Variants in CPVL observed in about 807,000 individuals in gnomAD.
CPVL encodes carboxypeptidase vitellogenic like.
In CPVL, 51 loss-of-function variants were observed where a neutral mutation model predicts 63.7. The observed-to-expected ratio is 0.80, with a 90% CI of 0.64 to 1.01. The LOEUF (loss-of-function observed/expected upper bound fraction) is 1.01, where lower values mean the gene tolerates loss of function less well. CPVL is among the 50% of genes least tolerant of loss of function. The probability of loss-of-function intolerance (pLI) is 0.00; values close to 1 mark genes in which losing one functional copy is unlikely to be tolerated. For synonymous variants in CPVL, 195 were observed against 206.0 expected (o/e 0.95, Z 0.46); for missense variants, 530 against 573.1 (o/e 0.92, Z 0.77).
rs141337518 is a variant in CPVL, at chr7:29,082,726, A to C, written c.609+3758T>G. On this transcript the variant is annotated intron_variant, in intron 7 of 12. Transcript: ENST00000265394. ...TGGCAGCAAGGAAGGTAAAAAGAAA[A>C]CTGTCCTTTTCTACACACATTAGGA... Among the ~76,000 whole-genome samples, 6 of 152,266 alleles carry C rather than the reference A, an allele frequency of 3.9e-5. No individual in the cohort carries two copies. In the East Asian group the frequency reaches 1.2e-3, roughly 29 times the overall value.
chr7:29,131,268 C>A (rs1044757036), intron 1 of CPVL, among the ~76,000 whole-genome samples: 1 of 152,056 alleles, frequency 6.6e-6, no homozygotes, highest in Non-Finnish European at 1.5e-5. Context: ...TAGGATACAC[C>A]GGGTGGCAAA....
At position 29,061,254 on chromosome 7, in the gene CPVL, G is replaced by A. The variant is rs550301773; in HGVS notation, c.1137+2807C>T. Among the ~76,000 whole-genome samples the A allele has an allele frequency of 4.9e-4, 74 of 151,606 alleles. 1 individual carries two copies. Among genetic ancestry groups the A allele is most frequent in the African/African-American group, 1.5e-3 (64 of 41,362 alleles). Reference sequence around the variant, plus strand: ...GAAACCCTGTCTCTACTAAAAATACGGAAAAAAAATTAGCCAGGCATGGTG... The same window carrying A: ...GAAACCCTGTCTCTACTAAAAATACAGAAAAAAAATTAGCCAGGCATGGTG... On this transcript the variant is annotated intron_variant, in intron 11 of 12. Transcript: ENST00000265394.
At chr7:28,996,334 G>A (rs1313770486) in intron 12 of CPVL, 2 of 152,846 alleles carry the variant, frequency 1.3e-5, no homozygotes, top group African/African-American at 4.8e-5. Flanking sequence ...CCCTCACACT[G>A]AGCCATACCT....
At chr7:29,159,028 C>G (rs767439473) in intron 5 of CPVL, among the ~76,000 whole-genome samples, 3 of 152,204 alleles carry the variant, frequency 2.0e-5, no homozygotes, top group Non-Finnish European at 4.4e-5. Context: ...AGGGAATCTG[C>G]TATCAGAGAA....
chr7:29,086,693 A>G (rs1207184213), intron 6 of CPVL, 143 bp from the exon 7 acceptor site: 7 of 648,540 alleles, frequency 1.1e-5, no homozygotes, highest in Non-Finnish European at 1.7e-5. Context: ...CTCCTGTAGG[A>G]CATTTTATTT....
At chr7:29,022,990 T>C (rs1293619074) in intron 12 of CPVL, among the ~76,000 whole-genome samples, 1 of 152,226 alleles carries the variant, frequency 6.6e-6, no homozygotes, top group Non-Finnish European at 1.5e-5. Flanking sequence ...CCACGAGCAG[T>C]CACCTGTATA....
At chr7:29,048,451 A>C (rs1023583136) in intron 11 of CPVL, among the ~76,000 whole-genome samples, 2 of 152,194 alleles carry the variant, frequency 1.3e-5, no homozygotes, top group East Asian at 3.9e-4. Flanking sequence ...AACTGCAGTT[A>C]AAAGAGACAA....
At chr7:29,021,935 G>A (rs1347186830) in intron 12 of CPVL, among the ~76,000 whole-genome samples, 1 of 152,154 alleles carries the variant, frequency 6.6e-6, no homozygotes, top group Non-Finnish European at 1.5e-5. Context: ...CAGTGCAGAT[G>A]CGTCCCCAAA....
intron 11 of CPVL, among the ~76,000 whole-genome samples, chr7:29,042,681 T>A (rs161048): frequency 1.3e-5 from 2 of 151,834 alleles, no homozygotes; most frequent in East Asian, 3.9e-4. Context: ...TTAAGGATTA[T>A]GAAGAAAGGG....
At chr7:29,102,095 G>C (rs957499543) in intron 3 of CPVL, among the ~76,000 whole-genome samples, 5 of 152,206 alleles carry the variant, frequency 3.3e-5, no homozygotes, top group African/African-American at 1.2e-4. Context: ...ATAGTTACGA[G>C]CATGGATTCT....
chr7:29,062,692 C>G (rs317711), intron 11 of CPVL, among the ~76,000 whole-genome samples: 118,632 of 152,136 alleles, frequency 0.78, 46,449 homozygotes, highest in South Asian at 0.89. Context: ...AATCCTAAGA[C>G]ACACCATTCC....
At chr7:29,117,327 T>A (rs1788868805) in intron 2 of CPVL, among the ~76,000 whole-genome samples, 1 of 152,212 alleles carries the variant, frequency 6.6e-6, no homozygotes, top group Admixed American at 6.5e-5. Flanking sequence ...AGGAGAGATG[T>A]CAGTAGTCTC....
At chr7:29,124,384 C>A (rs1461221076) in intron 1 of CPVL, among the ~76,000 whole-genome samples, 7 of 152,102 alleles carry the variant, frequency 4.6e-5, no homozygotes, top group Non-Finnish European at 1.0e-4. Context: ...ACAAAATGTT[C>A]TTCTTAATAA....
intron 2 of CPVL, among the ~76,000 whole-genome samples, chr7:29,117,687 C>T (rs1788911402): frequency 6.6e-6 from 1 of 152,142 alleles, no homozygotes; most frequent in African/African-American, 2.4e-5. Flanking sequence ...TATTTGATTT[C>T]TCCGGGCCTC....
At chr7:29,049,819 G>C (rs1789971908) in intron 11 of CPVL, among the ~76,000 whole-genome samples, 1 of 152,054 alleles carries the variant, frequency 6.6e-6, no homozygotes, top group African/African-American at 2.4e-5. Context: ...AATCCATCAT[G>C]TGATCAAGTG....
intron 12 of CPVL, among the ~76,000 whole-genome samples, chr7:29,017,918 G>T (rs1452274651): frequency 6.6e-6 from 1 of 152,200 alleles, no homozygotes; most frequent in African/African-American, 2.4e-5. Flanking sequence ...GGATACTTCA[G>T]GGAAGTCACT....
intron 11 of CPVL, among the ~76,000 whole-genome samples, chr7:29,046,566 T>TGC (rs1409683187): frequency 1.5e-5 from 1 of 64,904 alleles, no homozygotes; most frequent in East Asian, 2.6e-4. Flanking sequence ...CGTGCGCGCG[T>TGC]GCACACACAC....
At chr7:29,165,249 A>C (rs1795758941) in intron 5 of CPVL, among the ~76,000 whole-genome samples, 1 of 152,156 alleles carries the variant, frequency 6.6e-6, no homozygotes, top group Non-Finnish European at 1.5e-5. Context: ...AAGGTCTTGC[A>C]TAAGTTTTCT....
intron 5 of CPVL, among the ~76,000 whole-genome samples, chr7:29,174,021 G>T (rs1241013115): frequency 6.6e-6 from 1 of 152,002 alleles, no homozygotes; most frequent in Non-Finnish European, 1.5e-5. Context: ...ATAATTGAGA[G>T]GCCCAGACAC....
Sources: allele counts gnomAD v4.1 joint callset (sites outside exome capture counted in the v4.1 genomes callset), GRCh38; gene constraint gnomAD v4.1.1; transcripts MANE v1.5; gene names NCBI Gene and HGNC (gene_info 2026-07-23, HGNC 2026-07-21).